PTPRD: variants seen among roughly 807,000 people sequenced by gnomAD.
The protein encoded by PTPRD is protein tyrosine phosphatase receptor type D.
In PTPRD, 34 loss-of-function variants were observed where a neutral mutation model predicts 214.5. The ratio of observed to expected loss-of-function variants is 0.16; its 90% confidence interval spans 0.12 to 0.21. PTPRD has a LOEUF of 0.21. PTPRD is among the 10% of genes least tolerant of loss of function. The pLI, the probability that PTPRD is intolerant of heterozygous loss-of-function variation, is 1.00. For missense variants in PTPRD, 2,545 were observed against 2,398.7 expected (o/e 1.06, Z -1.27); for synonymous variants, 1,128 against 845.7 (o/e 1.33, Z -5.79).
intron 3 of PTPRD, among the ~76,000 whole-genome samples, chr9:10,046,518 T>C (rs1372884588): frequency 6.6e-6 from 1 of 151,872 alleles, no homozygotes; most frequent in Non-Finnish European, 1.5e-5. Context: ...TAGGCACATG[T>C]CACTCTGAAA....
intron 9 of PTPRD, among the ~76,000 whole-genome samples, chr9:9,252,139 C>A (rs1485887109): frequency 6.6e-6 from 1 of 151,972 alleles, no homozygotes; most frequent in African/African-American, 2.4e-5. Context: ...AAATGTGCCA[C>A]CCCAAAATAT....
In PTPRD at chr9:10,421,560, T is replaced by C. The variant is rs186743691; in HGVS notation, c.-599-80543A>G. ...ATAATGATAAATTATAACAACAGAT[T>C]TTACTGTCCAATTTTATGAACGTGG... is the stretch of plus-strand genomic sequence containing the variant. On this transcript the variant is annotated intron_variant, in intron 2 of 45. Coordinates refer to ENST00000381196, the MANE Select transcript of PTPRD (RefSeq NM_002839.4). Among the ~76,000 whole-genome samples the C allele has an allele frequency of 4.5e-4, 69 of 151,980 alleles. No homozygotes were observed. The East Asian group carries it at 9.0e-3, about 20-fold the overall frequency.
intron 10 of PTPRD, among the ~76,000 whole-genome samples, chr9:9,170,845 G>C (rs2099913077): frequency 6.6e-6 from 1 of 152,144 alleles, no homozygotes; most frequent in Non-Finnish European, 1.5e-5. Flanking sequence ...CAATTGACTG[G>C]AGAATGAGAG....
At chr9:8,543,130 T>C (rs772686310) in intron 14 of PTPRD, among the ~76,000 whole-genome samples, 5 of 152,164 alleles carry the variant, frequency 3.3e-5, no homozygotes, top group African/African-American at 4.8e-5. Flanking sequence ...TAAATAGATA[T>C]AAGTTTCCAA....
At chr9:8,324,572 T>C (rs991159339) in intron 44 of PTPRD, among the ~76,000 whole-genome samples, 11 of 152,212 alleles carry the variant, frequency 7.2e-5, no homozygotes, top group Non-Finnish European at 1.5e-4. Flanking sequence ...TGTGTGCATG[T>C]GTCTTTGTAG....
At chr9:10,599,645 T>C (rs1411267488) in intron 2 of PTPRD, among the ~76,000 whole-genome samples, 1 of 151,830 alleles carries the variant, frequency 6.6e-6, no homozygotes, top group African/African-American at 2.4e-5. Context: ...AGTTTGGTCA[T>C]GAAAATTTCC....
chr9:10,176,869 G>C (rs992995779), intron 3 of PTPRD, among the ~76,000 whole-genome samples: 3 of 152,078 alleles, frequency 2.0e-5, no homozygotes, highest in African/African-American at 7.2e-5. Context: ...TCAATAAAGT[G>C]AGTGGGATCA....
rs182373727 is a variant in PTPRD, at chr9:9,769,754, C to G, written c.-367-2903G>C. 2.2e-3 allele frequency among the ~76,000 whole-genome samples: 332 copies of G among 152,122 alleles called. 2 individuals are homozygous for G. The highest frequency in any genetic ancestry group is 0.017 in the Middle Eastern group (5 of 292). On this transcript the variant is annotated intron_variant, in intron 5 of 45. Coordinates refer to ENST00000381196, the MANE Select transcript of PTPRD (RefSeq NM_002839.4). ...AGGTATTTCTCCTAATGCTATCCCT[C>G]CCCTAGCCCCCCACCCACCAACAGG...
At chr9:9,181,403 C>G (rs2099928116) in intron 10 of PTPRD, among the ~76,000 whole-genome samples, 1 of 151,722 alleles carries the variant, frequency 6.6e-6, no homozygotes, top group South Asian at 2.1e-4. Context: ...AGGTGAACTG[C>G]TAAAATATGC....
chr9:10,091,871 C>G (rs1382511698), intron 3 of PTPRD, among the ~76,000 whole-genome samples: 3 of 151,370 alleles, frequency 2.0e-5, no homozygotes, highest in African/African-American at 7.3e-5. Context: ...TTACCAGAAC[C>G]TGTCCTTTTT....
chr9:10,084,586 A>C (rs866125462), intron 3 of PTPRD, among the ~76,000 whole-genome samples: 1 of 151,964 alleles, frequency 6.6e-6, no homozygotes, highest in African/African-American at 2.4e-5. Flanking sequence ...TAATTTCCTT[A>C]TAAGTGTCAC....
chr9:9,462,855 C>G (rs1301850060), intron 8 of PTPRD, among the ~76,000 whole-genome samples: 3 of 152,110 alleles, frequency 2.0e-5, no homozygotes, highest in African/African-American at 7.2e-5. Context: ...CTCTTCTACC[C>G]CCTTAGTCTT....
intron 2 of PTPRD, among the ~76,000 whole-genome samples, chr9:10,356,859 T>A (rs959358843): frequency 6.6e-6 from 1 of 151,950 alleles, no homozygotes; most frequent in Non-Finnish European, 1.5e-5. Flanking sequence ...TTTGTTTTTT[T>A]AGTAGAGACG....
At chr9:8,660,435 G>T (rs1232459371) in intron 12 of PTPRD, among the ~76,000 whole-genome samples, 1 of 152,162 alleles carries the variant, frequency 6.6e-6, no homozygotes, top group Non-Finnish European at 1.5e-5. Context: ...CATTCAAAAA[G>T]ATAACACTTA....
intron 3 of PTPRD, among the ~76,000 whole-genome samples, chr9:10,312,007 T>A (rs556469390): frequency 1.3e-5 from 2 of 152,062 alleles, no homozygotes; most frequent in East Asian, 3.9e-4. Flanking sequence ...CTTGTGTTTC[T>A]CACACAGTGA....
intron 3 of PTPRD, among the ~76,000 whole-genome samples, chr9:10,332,655 A>G (rs1165230998): frequency 6.6e-6 from 1 of 151,852 alleles, no homozygotes; most frequent in Non-Finnish European, 1.5e-5. Flanking sequence ...AGTAGGTACT[A>G]ATACTAACCT....
intron 11 of PTPRD, among the ~76,000 whole-genome samples, chr9:8,997,877 C>T (rs1243448514): frequency 2.0e-5 from 3 of 152,070 alleles, no homozygotes; most frequent in African/African-American, 7.2e-5. Context: ...AGCCTTATTG[C>T]TGATATGGAG....
intron 7 of PTPRD, among the ~76,000 whole-genome samples, chr9:9,583,435 G>C (rs1279391276): frequency 1.3e-5 from 2 of 151,894 alleles, no homozygotes. Flanking sequence ...CTATAAATGG[G>C]TGCATTCCAA....
intron 5 of PTPRD, among the ~76,000 whole-genome samples, chr9:9,927,916 A>G (rs989170101): frequency 6.6e-6 from 1 of 152,130 alleles, no homozygotes; most frequent in Non-Finnish European, 1.5e-5. Context: ...GTAGAAAGCT[A>G]ATTCACTCAG....
Sources: allele counts gnomAD v4.1 joint callset (sites outside exome capture counted in the v4.1 genomes callset), GRCh38; gene constraint gnomAD v4.1.1; transcripts MANE v1.5; gene names NCBI Gene and HGNC (gene_info 2026-07-23, HGNC 2026-07-21).